The following TMEM243 variants were observed in gnomAD, a reference collection of about 807,000 sequenced individuals.
TMEM243 encodes the protein MDR1 and mitochondrial taxol resistance associated.
In TMEM243, 20 loss-of-function variants were observed where a neutral mutation model predicts 15.0. The observed-to-expected ratio is 1.33, with a 90% CI of 0.94 to 1.93. The LOEUF (loss-of-function observed/expected upper bound fraction) is 1.93. Ranked by LOEUF, TMEM243 falls within the 30% of genes most tolerant of loss-of-function variation. The pLI, the probability that TMEM243 is intolerant of heterozygous loss-of-function variation, is 0.00. For synonymous variants in TMEM243, 72 were observed against 52.7 expected (o/e 1.37, Z -1.59); for missense variants, 156 against 142.1 (o/e 1.10, Z -0.50).
At chr7:87,210,056 G>A (rs1177714179) in intron 1 of TMEM243, among the ~76,000 whole-genome samples, 43 of 133,270 alleles carry the variant, frequency 3.2e-4, no homozygotes, top group African/African-American at 3.7e-4. Context: ...AGGAGGGGAA[G>A]GGGGGACAGA....
At chr7:87,198,727 AGAAG>A in intron 2 of TMEM243, 1 of 466,868 alleles carries the variant, frequency 2.1e-6, no homozygotes, top group Non-Finnish European at 3.8e-6. Flanking sequence ...GGTAGATGAC[AGAAG>A]GAAGTGGCTA....
chr7:87,220,510 G>T (rs1160476023), upstream of TMEM243: 1 of 152,310 alleles, frequency 6.6e-6, no homozygotes, highest in Non-Finnish European at 1.5e-5. Context: ...TCCCGTCGCA[G>T]CGCTGCGGAT....
intron 1 of TMEM243, among the ~76,000 whole-genome samples, chr7:87,204,287 G>A (rs1802043141): frequency 6.6e-6 from 1 of 152,118 alleles, no homozygotes; most frequent in Non-Finnish European, 1.5e-5. Flanking sequence ...GATTTGGGTG[G>A]AGACACGGCC....
At chr7:87,206,922 A>T (rs1452726135) in intron 1 of TMEM243, among the ~76,000 whole-genome samples, 1 of 152,186 alleles carries the variant, frequency 6.6e-6, no homozygotes, top group East Asian at 1.9e-4. Flanking sequence ...TCATCTTACC[A>T]CTTAGGGCCT....
chr7:87,198,941 C>A, intron 2 of TMEM243, 66 bp downstream of exon 2: 1 of 1,389,680 alleles, frequency 7.2e-7, no homozygotes, highest in Non-Finnish European at 9.7e-7. Context: ...GGAAAGTTAA[C>A]CATAATTGAT....
intron 1 of TMEM243, among the ~76,000 whole-genome samples, chr7:87,202,468 G>A (rs562917258): frequency 2.0e-5 from 3 of 152,318 alleles, no homozygotes; most frequent in South Asian, 2.1e-4. Context: ...TGGGCCTGAC[G>A]GATTCATGTC....
chr7:87,208,963 T>C (rs962464719), intron 1 of TMEM243, among the ~76,000 whole-genome samples: 2 of 152,240 alleles, frequency 1.3e-5, no homozygotes, highest in African/African-American at 4.8e-5. Context: ...TCAATATTAG[T>C]TGAAATAACA....
In TMEM243 at chr7:87,215,344, T is replaced by A. The variant is rs1259485045; in HGVS notation, c.78+4082A>T. ...GTTTCAAAATCCTGGGCTCAAGTGA[T>A]TCTCCCACCTCAGCCTCCCAAAGTG... On this transcript the variant is annotated intron_variant, in intron 1 of 3. Transcript: ENST00000257637. Among the ~76,000 whole-genome samples, 16 of 152,254 alleles carry A rather than the reference T, an allele frequency of 1.1e-4. 1 individual carries two copies. The East Asian group carries it at 3.1e-3, about 29-fold the overall frequency.
At chr7:87,204,005 G>GA (rs1224048276) in intron 1 of TMEM243, among the ~76,000 whole-genome samples, 1 of 152,114 alleles carries the variant, frequency 6.6e-6, no homozygotes, top group Admixed American at 6.5e-5. Context: ...AGTTTGTAAA[G>GA]AAAAAGAGAT....
At chr7:87,206,412 G>A (rs1165636785) in intron 1 of TMEM243, among the ~76,000 whole-genome samples, 2 of 152,198 alleles carry the variant, frequency 1.3e-5, no homozygotes, top group African/African-American at 2.4e-5. Context: ...TCCCACACTG[G>A]CATTTAATGA....
At chr7:87,220,533 C>A, upstream of TMEM243, 1 of 152,430 alleles carries the variant, frequency 6.6e-6, no homozygotes, top group Non-Finnish European at 1.5e-5. Flanking sequence ...CCTCCCGGCT[C>A]CTTCTCAGGT....
chr7:87,208,447 T>G (rs1415902349), intron 1 of TMEM243, among the ~76,000 whole-genome samples: 1 of 152,170 alleles, frequency 6.6e-6, no homozygotes, highest in Non-Finnish European at 1.5e-5. Flanking sequence ...AAGAGGTAGG[T>G]TCCCATGGTT....
At chr7:87,197,218 GTTC>G (rs1460181836) in intron 3 of TMEM243, among the ~76,000 whole-genome samples, 8 of 152,090 alleles carry the variant, frequency 5.3e-5, no homozygotes, top group African/African-American at 1.7e-4. Context: ...GGATGGGCTA[GTTC>G]TTCTTCGGGT....
chr7:87,209,661 C>CGA (rs753307992), intron 1 of TMEM243, among the ~76,000 whole-genome samples: 9 of 10,684 alleles, frequency 8.4e-4, no homozygotes, highest in East Asian at 0.014. Context: ...AGAGACAGAG[C>CGA]GAGAGAGAGC....
At chr7:87,205,657 C>T (rs576290144) in intron 1 of TMEM243, among the ~76,000 whole-genome samples, 34 of 152,314 alleles carry the variant, frequency 2.2e-4, no homozygotes, top group African/African-American at 7.9e-4. Context: ...ACAAGTTCTT[C>T]ATCTCCATCT....
At chr7:87,210,082 C>G (rs372656743) in intron 1 of TMEM243, among the ~76,000 whole-genome samples, 5 of 110,200 alleles carry the variant, frequency 4.5e-5, no homozygotes, top group African/African-American at 1.8e-4. Flanking sequence ...AGGGCGGGAG[C>G]GGGGAAGCGT....
Position 87,196,536 on chromosome 7 carries a change from A to C in TMEM243, c.*100T>G, listed in dbSNP as rs964068053. ...AATTAACATGAAAATCATGTATCAG[A>C]CTTCTGCAGGAGATTCTTCAGCATA... On this transcript the variant is annotated 3_prime_UTR_variant, in exon 4 of 4. Coordinates refer to ENST00000257637, the MANE Select transcript of TMEM243 (RefSeq NM_024315.4). The C allele has an allele frequency of 3.5e-6, 4 of 1,149,500 alleles. No individual in the cohort carries two copies. The Admixed American group carries it at 7.7e-5, about 22-fold the overall frequency. 71.2% of individuals were successfully genotyped at this position (1,149,500 alleles called of 1,614,324 possible).
At chr7:87,199,280 G>A (rs73208530) in intron 1 of TMEM243, 155 of 458,794 alleles carry the variant, frequency 3.4e-4, no homozygotes, top group Middle Eastern at 1.1e-3. Context: ...TGAAGGGACA[G>A]AACATTTATA....
chr7:87,216,384 T>C (rs1218309347), intron 1 of TMEM243, among the ~76,000 whole-genome samples: 2 of 152,000 alleles, frequency 1.3e-5, no homozygotes, highest in African/African-American at 4.8e-5. Context: ...AGGTCGAGAC[T>C]GCAGTGAACC....
Sources: allele counts gnomAD v4.1 joint callset (sites outside exome capture counted in the v4.1 genomes callset), GRCh38; gene constraint gnomAD v4.1.1; transcripts MANE v1.5; gene names NCBI Gene and HGNC (gene_info 2026-07-23, HGNC 2026-07-21).